PLXNB3: variants seen among roughly 807,000 people sequenced by gnomAD.
The protein encoded by PLXNB3 is plexin-B3.
In PLXNB3, 80 loss-of-function variants were observed where a neutral mutation model predicts 125.7. That is an observed-to-expected ratio of 0.64 (90% CI 0.53 to 0.77). PLXNB3 has a LOEUF of 0.77. Among genes scored for constraint, PLXNB3 ranks in the 30% least tolerant of loss-of-function variants. The pLI is 0.00. For missense variants in PLXNB3, 1,836 were observed against 1,729.3 expected, an observed-to-expected ratio of 1.06 and a Z score of -1.09; for synonymous variants, 954 against 783.3, an observed-to-expected ratio of 1.22 and a Z score of -3.64.
At position 153,770,373 on chromosome X, in the gene PLXNB3, G is replaced by A; in HGVS notation, c.1822G>A (p.Asp608Asn). The A allele has an allele frequency of 8.3e-7, 1 of 1,210,988 alleles. No individual in the cohort carries two copies. The change falls in exon 9 of 36, where the codon GAC (aspartate) becomes AAC (asparagine). Residue 608 changes from aspartate (D) to asparagine (N), a missense_variant. Coordinates refer to ENST00000361971, the MANE Select transcript of PLXNB3 (RefSeq NM_005393.3). ...TGTGCCCCTGGCCCTGATGTTCGAG[G>A]ACGTGACTGTGGCTGCCACCAACTT... ...VTVPLALMFE[D>N]VTVAATNFSF...
At position 153,777,739 on chromosome X, in the gene PLXNB3, C is replaced by T. The variant is rs1557064992; in HGVS notation, c.5261+51C>T. On this transcript the variant is annotated intron_variant, in intron 31 of 35. Transcript: ENST00000361971. ...GCTGTGCATATGGTCCACTGAGTCC[C>T]AGAGAGACCAGGACATTCCCAGGGT... 2.6e-6 allele frequency: 3 copies of T among 1,162,096 alleles called. No homozygotes were observed. The East Asian group carries it at 9.0e-5, about 35-fold the overall frequency.
chrX:153,768,380 T>C lies in PLXNB3; in HGVS notation c.1218T>C (p.Asp406=), dbSNP rs782017806. ...PVSAVAALQA[D]GHMIAFLGDT... is the part of the protein sequence containing the mutation. ...GCGCCGTGGCAGCTCTCCAGGCAGA[T>C]GGGCACATGATAGCCTTCCTGGGGG... Residue 406 remains aspartate (D), a synonymous_variant, in exon 4 of 36, where the codon GAT becomes GAC. Transcript: ENST00000361971. The C allele has an allele frequency of 1.5e-5, 18 of 1,209,520 alleles. No individual in the cohort carries two copies. The highest frequency in any genetic ancestry group is 1.8e-5 in the Non-Finnish European group (16 of 894,176).
rs1557063280 is a variant in PLXNB3, at chrX:153,774,506, G to A, written c.3765G>A (p.Gln1255=). 2 of 1,207,764 alleles carry A rather than the reference G, an allele frequency of 1.7e-6. No homozygotes were observed. The highest frequency in any genetic ancestry group is 2.2e-6 in the Non-Finnish European group (2 of 893,785). ...PPLSAFPVEA[Q]AGVGMGAAVL... ...TGTCTGCCTTTCCCGTGGAGGCCCA[G>A]GCAGGCGTGGGCATGGGTGCTGCAG... is the stretch of plus-strand genomic sequence containing the variant. The change falls in exon 22 of 36, where the codon CAG becomes CAA. Residue 1255 remains glutamine, a synonymous_variant. Coordinates refer to ENST00000361971, the MANE Select transcript of PLXNB3 (RefSeq NM_005393.3).
At chrX:153,772,553 G>A in intron 16 of PLXNB3, 1 of 528,540 alleles carries the variant, frequency 1.9e-6, no homozygotes, top group Non-Finnish European at 2.8e-6. Flanking sequence ...GGGCAGGGGT[G>A]GGTTCTGCCC....
rs782753651 is a variant in PLXNB3, at chrX:153,775,297, C to T, written c.4228C>T (p.Leu1410=). Residue 1410 remains leucine (L), a synonymous_variant, in exon 25 of 36, where the codon CTA becomes TTA. Coordinates refer to ENST00000361971, the MANE Select transcript of PLXNB3 (RefSeq NM_005393.3). ...DRCHVASLLS[L]ALHGKLEYLT... Reference sequence around the variant, plus strand: ...CTGCCATGTGGCTTCGCTGCTGTCGCTAGCGCTACACGGCAAGCTGGAGTA... The same window carrying T: ...CTGCCATGTGGCTTCGCTGCTGTCGTTAGCGCTACACGGCAAGCTGGAGTA... 1 of 1,208,396 alleles carries T rather than the reference C, an allele frequency of 8.3e-7. No individual in the cohort carries two copies. The highest frequency in any genetic ancestry group is 1.8e-5 in the South Asian group (1 of 56,496).
At chrX:153,765,651 C>A in intron 2 of PLXNB3, 71 bp downstream of exon 2, 1 of 1,166,830 alleles carries the variant, frequency 8.6e-7, no homozygotes, top group Non-Finnish European at 1.1e-6. Context: ...TGGCTGTGGC[C>A]AGGCCCAGGA....
Position 153,776,897 on chromosome X carries a change from G to T in PLXNB3, c.4844G>T (p.Gly1615Val). 1 of 1,192,475 alleles carries T rather than the reference G, an allele frequency of 8.4e-7. No individual in the cohort carries two copies. Among genetic ancestry groups the T allele is most frequent in the Non-Finnish European group, 1.1e-6 (1 of 884,474 alleles). ...CCCCATCTCTGCCAGGTCCCAGATG[G>T]AGCAACAGTGGGGCTCGTCCCTCAG... ...NTLQHYKVPD[G>V]ATVGLVPQLH... Residue 1615 changes from glycine (G) to valine (V), a missense_variant, in exon 29 of 36, where the codon GGA becomes GTA. Coordinates refer to ENST00000361971, the MANE Select transcript of PLXNB3 (RefSeq NM_005393.3).
intron 12 of PLXNB3, 89 bp downstream of exon 12, chrX:153,771,170 C>T: frequency 1.1e-6 from 1 of 936,490 alleles, no homozygotes; most frequent in Admixed American, 2.3e-5. Context: ...TGCTTGGGGC[C>T]CATAACCTCT....
Position 153,773,599 on chromosome X carries a change from C to T in PLXNB3, c.3165C>T (p.Asp1055=), listed in dbSNP as rs782282982. 88 of 1,205,333 alleles carry T rather than the reference C, an allele frequency of 7.3e-5. No homozygotes were observed. Among genetic ancestry groups the T allele is most frequent in the Non-Finnish European group, 9.3e-5 (83 of 893,136 alleles). Residue 1055 remains aspartate (D), a synonymous_variant, in exon 19 of 36, where the codon GAC becomes GAT. Transcript: ENST00000361971. The part of the protein sequence containing the change: ...RPLLSVWLEA[D]AEVQASRAQP... ...TACTGTCTGTGTGGCTGGAGGCTGA[C>T]GCAGAGGTGCAGGCTTCCAGGGCCC...
intron 26 of PLXNB3, 71 bp from the exon 27 acceptor site, chrX:153,775,816 A>T: frequency 8.9e-7 from 1 of 1,126,586 alleles, no homozygotes. Context: ...GCTGGAGACG[A>T]GGCAGAGGCG....
intron 24 of PLXNB3, 45 bp downstream of exon 24, chrX:153,775,148 G>A (rs376866115): frequency 3.4e-6 from 4 of 1,161,658 alleles, no homozygotes; most frequent in African/African-American, 3.5e-5. Context: ...AGGAGGTGGG[G>A]CTGGGGAACT....
intron 2 of PLXNB3, chrX:153,766,392 A>G: frequency 4.6e-6 from 5 of 1,086,155 alleles, no homozygotes; most frequent in Non-Finnish European, 6.0e-6. Flanking sequence ...CCTGACTTAG[A>G]TCTCTCTTGT....
At position 153,774,005 on chromosome X, in the gene PLXNB3, C is replaced by T; in HGVS notation, c.3426C>T (p.Phe1142=). ...DFASASGGQG[F]LYQPNPRLAP... ...CCAGTGCCAGTGGGGGCCAGGGCTT[C>T]CTGTACCAGCCCAACCCCCGCCTGG... Residue 1142 remains phenylalanine, a synonymous_variant, in exon 20 of 36, where the codon TTC becomes TTT. Transcript: ENST00000361971. 1 of 1,205,838 alleles carries T rather than the reference C, an allele frequency of 8.3e-7. No individual in the cohort carries two copies. The highest frequency in any genetic ancestry group is 1.1e-6 in the Non-Finnish European group (1 of 892,336).
rs782041448 is a variant in PLXNB3, at chrX:153,771,496, C to T, written c.2358C>T (p.Tyr786=). The change falls in exon 14 of 36, where the codon TAC becomes TAT. Residue 786 remains tyrosine, a synonymous_variant. Transcript: ENST00000361971. ...DNTHALYVIL[Y]DCAMGHPDCS... is the part of the protein sequence containing the mutation. Reference sequence around the variant, plus strand: ...CCTGACCCTCCCTAGTGATCCTGTACGACTGCGCCATGGGCCACCCGGACT... The same window carrying T: ...CCTGACCCTCCCTAGTGATCCTGTATGACTGCGCCATGGGCCACCCGGACT... 7.9e-5 allele frequency: 95 copies of T among 1,203,386 alleles called. No individual in the cohort carries two copies. Among genetic ancestry groups the T allele is most frequent in the Admixed American group, 3.5e-4 (16 of 45,698 alleles).
rs782756763 is a variant in PLXNB3 at position 153,767,535 on chromosome X, G to A, written c.708G>A (p.Gly236=). 2.9e-5 allele frequency: 34 copies of A among 1,175,593 alleles called. No homozygotes were observed. Among genetic ancestry groups the A allele is most frequent in the Non-Finnish European group, 3.9e-5 (34 of 877,915 alleles). ...CCGACTACAACAACAGCTACGTCGG[G>A]GCCTTTGCCGACGCCCGCTCCGCCT... is the stretch of plus-strand genomic sequence containing the variant. ...DFSDYNNSYV[G]AFADARSAYF... is the part of the protein sequence containing the mutation. The change falls in exon 3 of 36, where the codon GGG becomes GGA. Residue 236 remains glycine, a synonymous_variant. Transcript: ENST00000361971.
At chrX:153,773,106 A>AC (rs782300051) in intron 17 of PLXNB3, 90 bp downstream of exon 17, 954 of 1,071,160 alleles carry the variant, frequency 8.9e-4, no homozygotes, top group Non-Finnish European at 1.2e-3. Context: ...TGCTGTGGCC[A>AC]CCCCCAGTGG....
rs1225021505 is a variant in PLXNB3 at position 153,774,553 on chromosome X, T to C, written c.3812T>C (p.Leu1271Pro). 5 of 1,204,382 alleles carry C rather than the reference T, an allele frequency of 4.2e-6. No individual in the cohort carries two copies. In the African/African-American group the frequency reaches 8.7e-5, roughly 21 times the overall value. Reference protein sequence around the residue: ...GAAVLIAAVLLLTLMYRHKSK... With the variant: ...GAAVLIAAVLPLTLMYRHKSK... The stretch of plus-strand genomic sequence containing the variant: ...GCAGTGCTGATTGCCGCCGTGCTCC[T>C]CCTCACCCTCATGTACAGGTGAGAC... The change falls in exon 22 of 36, where the codon CTC becomes CCC. Residue 1271 changes from leucine to proline, a missense_variant. By Grantham distance (98) the Leu-to-Pro change is moderately conservative. Transcript: ENST00000361971.
In PLXNB3 at chrX:153,773,593, G is replaced by C; in HGVS notation, c.3159G>C (p.Glu1053Asp). The C allele has an allele frequency of 8.3e-7, 1 of 1,206,874 alleles. No homozygotes were observed. Among genetic ancestry groups the C allele is most frequent in the Non-Finnish European group, 1.1e-6 (1 of 893,493 alleles). Residue 1053 changes from glutamate (E) to aspartate (D), a missense_variant, in exon 19 of 36, where the codon GAG becomes GAC. Glu to Asp is a conservative substitution (Grantham distance 45). Transcript: ENST00000361971. ...VQRPLLSVWL[E>D]ADAEVQASRA... Reference sequence around the variant, plus strand: ...GGCCCCTACTGTCTGTGTGGCTGGAGGCTGACGCAGAGGTGCAGGCTTCCA... The same window carrying C: ...GGCCCCTACTGTCTGTGTGGCTGGACGCTGACGCAGAGGTGCAGGCTTCCA...
intron 2 of PLXNB3, chrX:153,766,624 T>G (rs1287658360): frequency 9.4e-7 from 1 of 1,063,865 alleles, no homozygotes; most frequent in African/African-American, 1.9e-5. Flanking sequence ...TGCTTGTGCG[T>G]GCGTGCATGC....
Sources: allele counts gnomAD v4.1 joint callset, GRCh38; gene constraint gnomAD v4.1.1; transcripts MANE v1.5; gene names NCBI Gene and HGNC (gene_info 2026-07-23, HGNC 2026-07-21).